Variants in SGCD observed in about 807,000 individuals in gnomAD.
SGCD encodes the protein delta-sarcoglycan.
In SGCD, 18 loss-of-function variants were observed where a neutral mutation model predicts 36.6. The ratio of observed to expected loss-of-function variants is 0.49; its 90% CI spans 0.34 to 0.73. The LOEUF is 0.73. Among genes scored for constraint, SGCD ranks in the 30% least tolerant of loss-of-function variants. The probability of loss-of-function intolerance (pLI) is 0.01; values close to 1 mark genes in which losing one functional copy is unlikely to be tolerated. For missense variants in SGCD, 387 were observed against 346.7 expected, an observed-to-expected ratio of 1.12 and a Z score of -0.92; for synonymous variants, 133 against 130.6, an observed-to-expected ratio of 1.02 and a Z score of -0.12.
the SGCD span, among the ~76,000 whole-genome samples, chr5:155,828,771 C>A: frequency 1.3e-5 from 2 of 151,924 alleles, no homozygotes; most frequent in Non-Finnish European, 2.9e-5. Flanking sequence ...ATTGTAACCT[C>A]CGCCTACTGG....
intron 3 of SGCD, among the ~76,000 whole-genome samples, chr5:156,460,830 A>G (rs1182286131): frequency 6.6e-6 from 1 of 152,226 alleles, no homozygotes; most frequent in Non-Finnish European, 1.5e-5. Context: ...ACTGAGGTGA[A>G]GTTAAACAGA....
intron 6 of SGCD, among the ~76,000 whole-genome samples, chr5:156,607,792 G>A (rs1263597916): frequency 6.6e-6 from 1 of 152,116 alleles, no homozygotes; most frequent in African/African-American, 2.4e-5. Flanking sequence ...ATGTGTCCAG[G>A]AATTTATCCA....
intron 1 of SGCD, among the ~76,000 whole-genome samples, chr5:156,083,965 A>G (rs1761031767): frequency 6.6e-6 from 1 of 152,146 alleles, no homozygotes; most frequent in Non-Finnish European, 1.5e-5. Context: ...CTATGTGCCT[A>G]TCTCCCCAAC....
intron 6 of SGCD, among the ~76,000 whole-genome samples, chr5:156,604,237 G>C (rs187970737): frequency 6.6e-6 from 1 of 151,480 alleles, no homozygotes; most frequent in African/African-American, 2.4e-5. Flanking sequence ...ATTTCCATTT[G>C]AATGGACTGT....
rs537666206 is a variant in SGCD at position 156,053,416 on chromosome 5, G to A, written c.-281-64462G>A. On this transcript the variant is annotated intron_variant, in intron 1 of 9. Transcript: ENST00000517913. ...CAGGGGGCTGAGAATCCATCTAAAAGGTAGTGAGGGGGTGAGAGGCAGGAC... is the reference window on the plus strand; with the variant it reads ...CAGGGGGCTGAGAATCCATCTAAAAAGTAGTGAGGGGGTGAGAGGCAGGAC... 2.5e-4 allele frequency among the ~76,000 whole-genome samples: 37 copies of A among 146,520 alleles called. 8 individuals carry two copies. Among genetic ancestry groups the A allele is most frequent in the Non-Finnish European group, 4.9e-4 (32 of 64,900 alleles).
the SGCD span, among the ~76,000 whole-genome samples, chr5:155,757,281 A>G: frequency 6.6e-6 from 1 of 152,236 alleles, no homozygotes; most frequent in Non-Finnish European, 1.5e-5. Flanking sequence ...TTGAATAAGT[A>G]CTATATGGCA....
chr5:156,532,652 AG>A (rs1757934899), intron 4 of SGCD, among the ~76,000 whole-genome samples: 1 of 152,022 alleles, frequency 6.6e-6, no homozygotes, highest in Admixed American at 6.5e-5. Context: ...TAGTTGAGAC[AG>A]GGTTTTACCA....
At chr5:156,478,083 TG>T (rs1755268282) in intron 3 of SGCD, among the ~76,000 whole-genome samples, 1 of 151,506 alleles carries the variant, frequency 6.6e-6, no homozygotes, top group African/African-American at 2.4e-5. Context: ...AAGGGTAGGG[TG>T]TTGTATAGCA....
intron 3 of SGCD, among the ~76,000 whole-genome samples, chr5:156,503,285 T>C (rs1581087848): frequency 6.6e-6 from 1 of 152,074 alleles, no homozygotes; most frequent in African/African-American, 2.4e-5. Flanking sequence ...ACACAGCACA[T>C]GATTATACAC....
chr5:156,608,166 C>T (rs541280883), intron 6 of SGCD, among the ~76,000 whole-genome samples: 23 of 152,260 alleles, frequency 1.5e-4, no homozygotes, highest in African/African-American at 4.6e-4. Flanking sequence ...TTCCTGCTTT[C>T]TCTTGTGGGC....
chr5:156,758,169 A>C (rs568131655), intron 8 of SGCD: 1 of 176,290 alleles, frequency 5.7e-6, no homozygotes, highest in African/African-American at 2.4e-5. Flanking sequence ...TTATAGGGTA[A>C]GACTAGGCAG....
At chr5:156,580,187 G>A (rs1760187312) in intron 4 of SGCD, among the ~76,000 whole-genome samples, 1 of 152,148 alleles carries the variant, frequency 6.6e-6, no homozygotes, top group South Asian at 2.1e-4. Flanking sequence ...TATTTCGGCT[G>A]AATATGAAAT....
intron 1 of SGCD, among the ~76,000 whole-genome samples, chr5:155,965,678 G>A (rs1757887180): frequency 6.6e-6 from 1 of 152,082 alleles, no homozygotes; most frequent in African/African-American, 2.4e-5. Context: ...AACATCTGGA[G>A]ACTACTGTGC....
At chr5:156,173,384 A>G (rs548911543) in intron 3 of SGCD, among the ~76,000 whole-genome samples, 81 of 152,330 alleles carry the variant, frequency 5.3e-4, no homozygotes, top group African/African-American at 1.8e-3. Flanking sequence ...TCAATGCATT[A>G]ATGCACACAC....
chr5:156,182,108 C>T (rs1193518663), intron 3 of SGCD, among the ~76,000 whole-genome samples: 1 of 152,094 alleles, frequency 6.6e-6, no homozygotes, highest in Non-Finnish European at 1.5e-5. Context: ...TAACTAAAAT[C>T]CCAACAGATA....
chr5:156,484,848 A>C (rs570402490), intron 3 of SGCD, among the ~76,000 whole-genome samples: 48 of 152,330 alleles, frequency 3.2e-4, no homozygotes, highest in African/African-American at 1.1e-3. Flanking sequence ...TGAGCCTGGT[A>C]ATTTCCAGGG....
intron 7 of SGCD, among the ~76,000 whole-genome samples, chr5:156,692,069 C>A (rs1009487317): frequency 2.0e-5 from 3 of 152,130 alleles, no homozygotes; most frequent in Non-Finnish European, 2.9e-5. Context: ...ACATAAAAAT[C>A]AAATTAGAAG....
the SGCD span, among the ~76,000 whole-genome samples, chr5:155,799,812 C>CTTTTTT: frequency 1.2e-3 from 70 of 58,776 alleles, no homozygotes; most frequent in East Asian, 2.4e-3. Flanking sequence ...TCCTATTCCC[C>CTTTTTT]TTTTTTTTTT....
chr5:156,652,935 G>T (rs147619564), intron 7 of SGCD, among the ~76,000 whole-genome samples: 115 of 152,244 alleles, frequency 7.6e-4, no homozygotes, highest in Middle Eastern at 3.4e-3. Flanking sequence ...TTGCATCCCA[G>T]GAATAAAGGC....
Sources: gnomAD v4.1 joint callset for allele counts (sites outside exome capture counted in the v4.1 genomes callset) on GRCh38, gnomAD v4.1.1 for gene constraint, MANE v1.5 for transcripts, NCBI Gene and HGNC (gene_info 2026-07-23, HGNC 2026-07-21) for gene names.